The following SYNPO2 variants were observed in gnomAD, a reference collection of about 807,000 sequenced individuals.
SYNPO2 encodes synaptopodin-2.
In SYNPO2, 56 loss-of-function variants were observed where a neutral mutation model predicts 85.0. The ratio of observed to expected loss-of-function variants is 0.66; its 90% CI spans 0.53 to 0.82. The LOEUF (loss-of-function observed/expected upper bound fraction) is 0.82, where lower values mean the gene tolerates loss of function less well. Ranked by LOEUF, SYNPO2 falls within the 40% of genes least tolerant of loss-of-function variation. The pLI, the probability that SYNPO2 is intolerant of heterozygous loss-of-function variation, is 0.00. For missense variants in SYNPO2, 1,575 were observed against 1,534.2 expected, an observed-to-expected ratio of 1.03 and a Z score of -0.44; for synonymous variants, 602 against 591.1, an observed-to-expected ratio of 1.02 and a Z score of -0.27.
intron 1 of SYNPO2, among the ~76,000 whole-genome samples, chr4:118,936,408 T>G (rs1201222398): frequency 6.6e-6 from 1 of 152,192 alleles, no homozygotes; most frequent in African/African-American, 2.4e-5. Flanking sequence ...GCTCCAGTGA[T>G]CCTCTTGCCT....
chr4:118,984,884 A>G (rs1736159200), intron 1 of SYNPO2, among the ~76,000 whole-genome samples: 1 of 152,210 alleles, frequency 6.6e-6, no homozygotes, highest in Non-Finnish European at 1.5e-5. Flanking sequence ...GGTCCTCAAG[A>G]CACTGAGAAA....
chr4:118,933,480 C>T (rs2149134189), intron 1 of SYNPO2, among the ~76,000 whole-genome samples: 1 of 152,284 alleles, frequency 6.6e-6, no homozygotes, highest in East Asian at 1.9e-4. Context: ...AAGTTCTATC[C>T]TGGAGGCAAG....
intron 1 of SYNPO2, among the ~76,000 whole-genome samples, chr4:118,861,545 T>C (rs1731611910): frequency 6.6e-6 from 1 of 152,206 alleles, no homozygotes; most frequent in Non-Finnish European, 1.5e-5. Flanking sequence ...AGGTCTAGTT[T>C]CTTTCTTCTG....
In SYNPO2 at chr4:119,057,933, G is replaced by A. The variant is rs201907430; in HGVS notation, c.3785G>A (p.Ter1262=). Residue 1262 remains the stop codon, a stop_retained_variant, in exon 5 of 5, where the codon TGA becomes TAA. Coordinates refer to ENST00000307142, the MANE Select transcript of SYNPO2 (RefSeq NM_133477.3). The part of the protein sequence containing the change: ...PHPRGWRRQT[*] ...CCAAGGGGATGGAGACGCCAAACAT[G>A]AAAGTTAGAAGAACGGATCATGTGC... is the stretch of plus-strand genomic sequence containing the variant. 6.2e-7 allele frequency: 1 copy of A among 1,607,956 alleles called. No individual in the cohort carries two copies. Among genetic ancestry groups the A allele is most frequent in the Non-Finnish European group, 8.5e-7 (1 of 1,177,206 alleles).
intron 1 of SYNPO2, among the ~76,000 whole-genome samples, chr4:118,914,813 G>A (rs917257089): frequency 1.3e-5 from 2 of 152,042 alleles, no homozygotes; most frequent in African/African-American, 4.8e-5. Context: ...CCAGGAAAGT[G>A]TTTCTTAGAA....
At chr4:118,911,519 C>T (rs1410239436) in intron 1 of SYNPO2, among the ~76,000 whole-genome samples, 2 of 152,110 alleles carry the variant, frequency 1.3e-5, no homozygotes, top group Non-Finnish European at 2.9e-5. Flanking sequence ...GATGCCTGAT[C>T]CTTTCGTTCT....
chr4:118,971,447 G>A (rs965385459), intron 1 of SYNPO2, among the ~76,000 whole-genome samples: 4 of 152,190 alleles, frequency 2.6e-5, no homozygotes, highest in Non-Finnish European at 4.4e-5. Context: ...GAAATGATCA[G>A]TTTTACTCAC....
intron 1 of SYNPO2, among the ~76,000 whole-genome samples, chr4:118,965,656 T>C (rs1444892804): frequency 6.6e-6 from 1 of 152,214 alleles, no homozygotes; most frequent in Non-Finnish European, 1.5e-5. Context: ...ATTCAGTCAT[T>C]TGACAATATT....
At chr4:118,896,171 A>G (rs746998536) in intron 1 of SYNPO2, among the ~76,000 whole-genome samples, 12 of 152,228 alleles carry the variant, frequency 7.9e-5, no homozygotes, top group Non-Finnish European at 1.5e-4. Flanking sequence ...TGAAAATTGC[A>G]ATGACTTTAA....
intron 1 of SYNPO2, among the ~76,000 whole-genome samples, chr4:119,004,562 T>A (rs1305433807): frequency 6.7e-6 from 1 of 149,518 alleles, no homozygotes; most frequent in Non-Finnish European, 1.5e-5. Context: ...AAACTCATCA[T>A]TTTTTATGGC....
At chr4:119,021,125 G>T (rs901442449) in intron 1 of SYNPO2, among the ~76,000 whole-genome samples, 4 of 152,152 alleles carry the variant, frequency 2.6e-5, no homozygotes, top group Non-Finnish European at 4.4e-5. Flanking sequence ...GCTTTCTACA[G>T]ATTGTAATTT....
chr4:118,960,029 G>A (rs933294961), intron 1 of SYNPO2, among the ~76,000 whole-genome samples: 5 of 152,184 alleles, frequency 3.3e-5, no homozygotes, highest in African/African-American at 1.2e-4. Context: ...AAGAGTAGGA[G>A]GCAATGTGAC....
chr4:118,972,922 C>T (rs2149157247), intron 1 of SYNPO2, among the ~76,000 whole-genome samples: 2 of 152,324 alleles, frequency 1.3e-5, no homozygotes, highest in South Asian at 4.1e-4. Flanking sequence ...GCTATCCCCG[C>T]TTGCTCACCT....
intron 1 of SYNPO2, among the ~76,000 whole-genome samples, chr4:118,949,263 A>C (rs373420743): frequency 9.8e-5 from 15 of 152,296 alleles, no homozygotes; most frequent in African/African-American, 3.1e-4. Context: ...GGGTGGTGGC[A>C]GGAGATTATT....
chr4:119,046,973 G>A (rs1440793346), intron 4 of SYNPO2, among the ~76,000 whole-genome samples: 1 of 152,198 alleles, frequency 6.6e-6, no homozygotes, highest in East Asian at 1.9e-4. Context: ...GTGAGTAACA[G>A]AACCAAGATG....
intron 1 of SYNPO2, among the ~76,000 whole-genome samples, chr4:118,997,881 C>G (rs1736678654): frequency 1.3e-5 from 2 of 152,200 alleles, no homozygotes; most frequent in African/African-American, 4.8e-5. Context: ...CAACTTTAAA[C>G]ATTTCTGTTC....
intron 1 of SYNPO2, among the ~76,000 whole-genome samples, chr4:118,930,751 CA>C (rs3051232): frequency 0.57 from 68,795 of 119,820 alleles, 19,700 homozygotes; most frequent in East Asian, 0.8. Context: ...CCCATATCTA[CA>C]AAAAAAAAAA....
intron 1 of SYNPO2, among the ~76,000 whole-genome samples, chr4:118,859,064 A>G (rs537377379): frequency 6.6e-6 from 1 of 152,324 alleles, no homozygotes; most frequent in East Asian, 1.9e-4. Context: ...GGACACATCC[A>G]TGAGCATGGA....
intron 1 of SYNPO2, 29 bp from the exon 2 acceptor site, chr4:119,023,401 A>G (rs753994731): frequency 5.0e-6 from 8 of 1,585,728 alleles, no homozygotes; most frequent in Non-Finnish European, 6.0e-6. Flanking sequence ...ATATCATTCT[A>G]CTATGTCTTC....
Sources: allele counts gnomAD v4.1 joint callset (sites outside exome capture counted in the v4.1 genomes callset), GRCh38; gene constraint gnomAD v4.1.1; transcripts MANE v1.5; gene names NCBI Gene and HGNC (gene_info 2026-07-23, HGNC 2026-07-21).